TM9SF2: variants seen among roughly 807,000 people sequenced by gnomAD.
TM9SF2 encodes the protein transmembrane 9 superfamily member 2, also known as 76 kDa membrane protein.
In TM9SF2, 13 loss-of-function variants were observed where a neutral mutation model predicts 84.9. The observed-to-expected ratio is 0.15, with a 90% CI of 0.10 to 0.24. TM9SF2 has a LOEUF of 0.24. Ranked by LOEUF, TM9SF2 falls within the 10% of genes least tolerant of loss-of-function variation. The pLI, the probability that TM9SF2 is intolerant of heterozygous loss-of-function variation, is 1.00. For synonymous variants in TM9SF2, 273 were observed against 285.8 expected (o/e 0.96, Z 0.45); for missense variants, 562 against 818.5 (o/e 0.69, Z 3.82).
chr13:99,540,259 CA>C (rs2046252270), intron 7 of TM9SF2, among the ~76,000 whole-genome samples: 1 of 151,940 alleles, frequency 6.6e-6, no homozygotes, highest in Non-Finnish European at 1.5e-5. Flanking sequence ...TATAATGTTT[CA>C]TTTTGCAAAC....
intron 1 of TM9SF2, among the ~76,000 whole-genome samples, chr13:99,505,476 A>G (rs1594042699): frequency 6.6e-6 from 1 of 152,088 alleles, no homozygotes; most frequent in African/African-American, 2.4e-5. Context: ...TAAATGTTTT[A>G]CTTTCATTGC....
rs564418903 is a variant in TM9SF2, at chr13:99,506,358, C to T, written c.171+4581C>T. 6.6e-5 allele frequency among the ~76,000 whole-genome samples: 10 copies of T among 152,330 alleles called. No individual in the cohort carries two copies. The Middle Eastern group carries it at 0.01, about 155-fold the overall frequency. ...ATCGATATGTAGTTTCACATTCTCACAGTTCTCTCTGGAATAAGAGCATTG... is the reference window on the plus strand; with the variant it reads ...ATCGATATGTAGTTTCACATTCTCATAGTTCTCTCTGGAATAAGAGCATTG... On this transcript the variant is annotated intron_variant, in intron 1 of 16. Coordinates refer to ENST00000376387, the MANE Select transcript of TM9SF2 (RefSeq NM_004800.3).
intron 3 of TM9SF2, among the ~76,000 whole-genome samples, chr13:99,523,701 T>G: frequency 6.6e-6 from 1 of 152,216 alleles, no homozygotes; most frequent in East Asian, 1.9e-4. Context: ...TGCCAGGCAC[T>G]GTGATGGGAT....
chr13:99,528,247 G>A (rs1473115217), intron 3 of TM9SF2, among the ~76,000 whole-genome samples: 1 of 152,206 alleles, frequency 6.6e-6, no homozygotes, highest in East Asian at 1.9e-4. Context: ...TTGTGCTGAA[G>A]AGCATGTTCT....
chr13:99,523,782 T>C (rs1190135248), intron 3 of TM9SF2, among the ~76,000 whole-genome samples: 3 of 152,106 alleles, frequency 2.0e-5, no homozygotes, highest in Admixed American at 6.5e-5. Flanking sequence ...GGAGACAAAA[T>C]AAATTACCAG....
intron 6 of TM9SF2, among the ~76,000 whole-genome samples, chr13:99,539,173 G>A (rs4433672): frequency 0.18 from 25,933 of 147,780 alleles, 2,418 homozygotes; most frequent in Middle Eastern, 0.21. Context: ...TGGCACCACC[G>A]CACTCAGGCC....
rs746136475 is a variant in TM9SF2, at chr13:99,537,843, T to C, written c.696T>C (p.Ala232=). The change falls in exon 6 of 17, where the codon GCT becomes GCC. Residue 232 remains alanine, a synonymous_variant. Transcript: ENST00000376387. ...GGTCCATGGGAGCAAGATTAGTGGCTGCTAAACTTGAACCGAAAAGGTAAT... is the reference window on the plus strand; with the variant it reads ...GGTCCATGGGAGCAAGATTAGTGGCCGCTAAACTTGAACCGAAAAGGTAAT... ...ETGSMGARLV[A]AKLEPKSFKH... 18 of 1,604,574 alleles carry C rather than the reference T, an allele frequency of 1.1e-5. No individual in the cohort carries two copies. Among genetic ancestry groups the C allele is most frequent in the Non-Finnish European group, 1.4e-5 (17 of 1,177,952 alleles).
chr13:99,536,855 A>G, intron 5 of TM9SF2, 118 bp downstream of exon 5: 3 of 1,084,222 alleles, frequency 2.8e-6, no homozygotes, highest in Non-Finnish European at 2.6e-6. Context: ...AGATGTTCTG[A>G]AGTACAACTA....
intron 9 of TM9SF2, among the ~76,000 whole-genome samples, chr13:99,543,067 A>G (rs1029247005): frequency 6.6e-6 from 1 of 152,214 alleles, no homozygotes; most frequent in Non-Finnish European, 1.5e-5. Flanking sequence ...CCAGGCAGAC[A>G]TAGGTTTCCA....
At chr13:99,555,762 C>G in intron 15 of TM9SF2, 115 bp downstream of exon 15, 7 of 601,438 alleles carry the variant, frequency 1.2e-5, no homozygotes, top group Non-Finnish European at 1.9e-5. Context: ...TTATGATAGA[C>G]ATTGACCTGT....
At chr13:99,560,067 T>C (rs1330708215) in intron 16 of TM9SF2, among the ~76,000 whole-genome samples, 1 of 152,192 alleles carries the variant, frequency 6.6e-6, no homozygotes, top group African/African-American at 2.4e-5. Flanking sequence ...TGTATATATC[T>C]TCTCTATCCA....
At position 99,561,887 on chromosome 13, in the gene TM9SF2, C is replaced by T. The variant is rs77402278; in HGVS notation, c.1925-804C>T. On this transcript the variant is annotated intron_variant, in intron 16 of 16. Coordinates refer to ENST00000376387, the MANE Select transcript of TM9SF2 (RefSeq NM_004800.3). ...TGTGACCATGAGACAGTCACTTAAC[C>T]CCTTTGAACCTCATTTTTGTCTCAT... Among the ~76,000 whole-genome samples, 896 of 152,294 alleles carry T rather than the reference C, an allele frequency of 5.9e-3. 6 individuals are homozygous for T. Among genetic ancestry groups the T allele is most frequent in the Non-Finnish European group, 0.011 (732 of 68,028 alleles).
rs998424455 is a variant in TM9SF2 at position 99,501,542 on chromosome 13, A to G, written c.-65A>G. 1.3e-6 allele frequency: 2 copies of G among 1,550,106 alleles called. No homozygotes were observed. The highest frequency in any genetic ancestry group is 2.0e-5 in the Admixed American group (1 of 50,218). Reference sequence around the variant, plus strand: ...TGGCGGCCTTGTAGTCGTCTCCGAGACTCCCCACCCCTCCTTCCCTCTTGA... The same window carrying G: ...TGGCGGCCTTGTAGTCGTCTCCGAGGCTCCCCACCCCTCCTTCCCTCTTGA... On this transcript the variant is annotated 5_prime_UTR_variant, in exon 1 of 17. Transcript: ENST00000376387.
intron 4 of TM9SF2, among the ~76,000 whole-genome samples, chr13:99,536,000 T>A (rs1464800196): frequency 1.3e-5 from 2 of 152,222 alleles, no homozygotes; most frequent in Admixed American, 6.5e-5. Flanking sequence ...TGTATAGCTT[T>A]CACTTTTCCT....
chr13:99,520,363 G>A (rs142181981), intron 3 of TM9SF2, among the ~76,000 whole-genome samples: 5 of 152,212 alleles, frequency 3.3e-5, no homozygotes, highest in South Asian at 2.1e-4. Flanking sequence ...ATGTTAAGAC[G>A]GTGGCTTAAA....
intron 13 of TM9SF2, among the ~76,000 whole-genome samples, chr13:99,552,769 A>C (rs2139109133): frequency 6.6e-6 from 1 of 152,294 alleles, no homozygotes; most frequent in Admixed American, 6.5e-5. Flanking sequence ...ACACCCAGCT[A>C]ATTTTTGTAT....
At chr13:99,519,191 T>C (rs2046148307) in intron 2 of TM9SF2, among the ~76,000 whole-genome samples, 1 of 152,172 alleles carries the variant, frequency 6.6e-6, no homozygotes, top group Non-Finnish European at 1.5e-5. Flanking sequence ...TAAATTTTTT[T>C]CCAGTTTTTG....
intron 1 of TM9SF2, among the ~76,000 whole-genome samples, chr13:99,507,245 C>G (rs1408138885): frequency 1.3e-5 from 2 of 152,240 alleles, no homozygotes; most frequent in African/African-American, 4.8e-5. Flanking sequence ...CTCTTCGCCA[C>G]TGCCTTCTAC....
At chr13:99,539,720 G>A (rs1231231468) in intron 7 of TM9SF2, among the ~76,000 whole-genome samples, 163 bp downstream of exon 7, 3 of 152,108 alleles carry the variant, frequency 2.0e-5, no homozygotes, top group Non-Finnish European at 4.4e-5. Context: ...AATCACTCTT[G>A]TAACTGAGTC....
Sources: allele counts gnomAD v4.1 joint callset (sites outside exome capture counted in the v4.1 genomes callset), GRCh38; gene constraint gnomAD v4.1.1; transcripts MANE v1.5; gene names NCBI Gene and HGNC (gene_info 2026-07-23, HGNC 2026-07-21).